The following NCKAP5 variants were observed in gnomAD, a reference collection of about 807,000 sequenced individuals.
NCKAP5 encodes NCK associated protein 5, also known as nck-associated protein 5.
In NCKAP5, 92 loss-of-function variants were observed where a neutral mutation model predicts 167.0. The observed-to-expected ratio is 0.55, with a 90% confidence interval of 0.47 to 0.66. The LOEUF (loss-of-function observed/expected upper bound fraction) is 0.66. Ranked by LOEUF, NCKAP5 falls within the 30% of genes least tolerant of loss-of-function variation. The pLI, the probability that NCKAP5 is intolerant of heterozygous loss-of-function variation, is 0.00. For missense variants in NCKAP5, 2,378 were observed against 2,315.0 expected (o/e 1.03, Z -0.56); for synonymous variants, 891 against 877.4 (o/e 1.02, Z -0.27).
At chr2:133,438,483 C>A (rs925317567) in intron 3 of NCKAP5, among the ~76,000 whole-genome samples, 7 of 152,196 alleles carry the variant, frequency 4.6e-5, no homozygotes, top group African/African-American at 1.4e-4. Context: ...CAGTTATTTG[C>A]ACATAATGCT....
intron 6 of NCKAP5, among the ~76,000 whole-genome samples, chr2:133,114,919 A>G (rs908064335): frequency 1.3e-5 from 2 of 152,200 alleles, no homozygotes; most frequent in Admixed American, 1.3e-4. Context: ...GTATGTTAGC[A>G]CTATTTCTGA....
At chr2:133,088,650 T>A (rs114144928) in intron 6 of NCKAP5, among the ~76,000 whole-genome samples, 2 of 152,196 alleles carry the variant, frequency 1.3e-5, no homozygotes, top group Admixed American at 1.3e-4. Context: ...ATGCTGCCTT[T>A]ACTATCCTGA....
At chr2:132,692,664 A>T (rs547601904) in intron 19 of NCKAP5, among the ~76,000 whole-genome samples, 1 of 152,334 alleles carries the variant, frequency 6.6e-6, no homozygotes, top group Non-Finnish European at 1.5e-5. Flanking sequence ...AAGTGGCACC[A>T]AGAAATAGTT....
intron 13 of NCKAP5, among the ~76,000 whole-genome samples, chr2:132,786,883 G>A (rs963916585): frequency 6.6e-6 from 1 of 152,158 alleles, no homozygotes; most frequent in Non-Finnish European, 1.5e-5. Context: ...CATGAACCCA[G>A]GCAGTCTGGC....
intron 3 of NCKAP5, among the ~76,000 whole-genome samples, chr2:133,450,421 C>G (rs1160058439): frequency 6.6e-6 from 1 of 152,146 alleles, no homozygotes; most frequent in Non-Finnish European, 1.5e-5. Flanking sequence ...CTCCATCATT[C>G]CATTAATGCG....
chr2:133,433,582 A>G (rs559576700), intron 3 of NCKAP5: 14 of 152,342 alleles, frequency 9.2e-5, no homozygotes, highest in African/African-American at 3.1e-4. Context: ...TTACAGGCCA[A>G]TAAATAATGA....
intron 6 of NCKAP5, among the ~76,000 whole-genome samples, chr2:133,070,500 C>A (rs1573937900): frequency 6.6e-6 from 1 of 152,236 alleles, no homozygotes; most frequent in Admixed American, 6.5e-5. Context: ...TATCTAAGGA[C>A]CGACTCCTTA....
chr2:133,417,011 G>A (rs920890960), intron 3 of NCKAP5, among the ~76,000 whole-genome samples: 5 of 151,824 alleles, frequency 3.3e-5, no homozygotes, highest in Admixed American at 1.3e-4. Context: ...TAGTAAAAGC[G>A]TTGCCAGATA....
chr2:132,852,965 C>T (rs1574423623), intron 11 of NCKAP5, among the ~76,000 whole-genome samples: 1 of 152,314 alleles, frequency 6.6e-6, no homozygotes, highest in East Asian at 1.9e-4. Context: ...TAAACTATCT[C>T]TGTGTCCTCA....
chr2:132,938,102 TC>T (rs1696993164), intron 8 of NCKAP5, among the ~76,000 whole-genome samples: 1 of 152,300 alleles, frequency 6.6e-6, no homozygotes, highest in East Asian at 1.9e-4. Flanking sequence ...GTCATCTCTT[TC>T]TCCTGTCCCT....
the NCKAP5 span, among the ~76,000 whole-genome samples, chr2:133,618,135 C>T: frequency 2.0e-5 from 3 of 151,640 alleles, no homozygotes; most frequent in Non-Finnish European, 2.9e-5. Flanking sequence ...CTTCCTTACA[C>T]CTTATACAAA....
At chr2:133,485,182 G>T (rs544733808) in intron 3 of NCKAP5, among the ~76,000 whole-genome samples, 1 of 152,166 alleles carries the variant, frequency 6.6e-6, no homozygotes, top group South Asian at 2.1e-4. Flanking sequence ...TAAAGAAAAT[G>T]GACAAATAAG....
chr2:132,775,014 A>G (rs1230505590), intron 15 of NCKAP5, among the ~76,000 whole-genome samples: 2 of 151,946 alleles, frequency 1.3e-5, no homozygotes, highest in African/African-American at 4.8e-5. Flanking sequence ...CAGTATCAAG[A>G]CAACTTAGGG....
intron 3 of NCKAP5, among the ~76,000 whole-genome samples, chr2:133,355,656 C>T (rs1204651256): frequency 6.6e-6 from 1 of 151,444 alleles, no homozygotes; most frequent in Non-Finnish European, 1.5e-5. Flanking sequence ...CAGTCCTTTT[C>T]CCATATACCC....
chr2:133,203,842 T>C (rs2085820942), intron 5 of NCKAP5, among the ~76,000 whole-genome samples: 1 of 152,230 alleles, frequency 6.6e-6, no homozygotes, highest in African/African-American at 2.4e-5. Context: ...AAAGATAGTT[T>C]AAAGTTGGAC....
the NCKAP5 span, among the ~76,000 whole-genome samples, chr2:133,640,898 T>G: frequency 6.6e-6 from 1 of 152,230 alleles, no homozygotes; most frequent in Non-Finnish European, 1.5e-5. Context: ...GAAGACAGAT[T>G]GTTTCCTAAG....
At chr2:132,950,881 A>T (rs2076166344) in intron 8 of NCKAP5, among the ~76,000 whole-genome samples, 1 of 152,196 alleles carries the variant, frequency 6.6e-6, no homozygotes, top group South Asian at 2.1e-4. Context: ...GAACCTAAGA[A>T]GCAAAAAACA....
chr2:133,474,148 C>CTATCTATCTATCTATT (rs1559511719), intron 3 of NCKAP5, among the ~76,000 whole-genome samples: 2 of 143,786 alleles, frequency 1.4e-5, no homozygotes, highest in African/African-American at 5.7e-5. Context: ...ATCTATCTAT[C>CTATCTATCTATCTATT]TATCTATACA....
intron 2 of NCKAP5, among the ~76,000 whole-genome samples, chr2:133,518,344 A>ATT (rs751025050): frequency 0.063 from 4,666 of 74,382 alleles, 1,032 homozygotes; most frequent in East Asian, 0.13. Flanking sequence ...ACAGTAAAGG[A>ATT]TTTTTTTTTT....
Sources: gnomAD v4.1 joint callset for allele counts (sites outside exome capture counted in the v4.1 genomes callset) on GRCh38, gnomAD v4.1.1 for gene constraint, MANE v1.5 for transcripts, NCBI Gene and HGNC (gene_info 2026-07-23, HGNC 2026-07-21) for gene names.